The following NDST4 variants were observed in gnomAD, a reference collection of about 807,000 sequenced individuals.
NDST4 encodes the protein N-deacetylase and N-sulfotransferase 4.
In NDST4, 63 loss-of-function variants were observed where a neutral mutation model predicts 100.8. The ratio of observed to expected loss-of-function variants is 0.62; its 90% CI spans 0.51 to 0.77. The LOEUF (loss-of-function observed/expected upper bound fraction) is 0.77, where lower values mean the gene tolerates loss of function less well. NDST4 is among the 30% of genes least tolerant of loss of function. NDST4 has a pLI of 0.00. For synonymous variants in NDST4, 377 were observed against 361.8 expected, an observed-to-expected ratio of 1.04 and a Z score of -0.48; for missense variants, 943 against 1,018.4, an observed-to-expected ratio of 0.93 and a Z score of 1.01.
chr4:115,000,337 C>A (rs902642782), intron 2 of NDST4, among the ~76,000 whole-genome samples: 1 of 151,822 alleles, frequency 6.6e-6, no homozygotes, highest in Non-Finnish European at 1.5e-5. Flanking sequence ...TTTAACCTTT[C>A]ATTTTTTTTT....
intron 5 of NDST4, among the ~76,000 whole-genome samples, chr4:114,935,764 C>T (rs1423033751): frequency 1.3e-5 from 2 of 152,152 alleles, no homozygotes; most frequent in Non-Finnish European, 2.9e-5. Context: ...AATTGGTTTT[C>T]ATAACCCCTT....
intron 2 of NDST4, among the ~76,000 whole-genome samples, chr4:115,071,413 G>A (rs1034742354): frequency 6.6e-6 from 1 of 151,900 alleles, no homozygotes; most frequent in African/African-American, 2.4e-5. Context: ...AGTGGCCAAG[G>A]AAGAGTCCAG....
chr4:114,933,388 A>G (rs1003357102), intron 6 of NDST4, among the ~76,000 whole-genome samples: 1 of 150,254 alleles, frequency 6.7e-6, no homozygotes, highest in African/African-American at 2.4e-5. Context: ...AAGTATAGGG[A>G]AAAAACTTTT....
intron 7 of NDST4, among the ~76,000 whole-genome samples, chr4:114,861,499 T>C (rs943344970): frequency 2.6e-5 from 4 of 152,128 alleles, no homozygotes. Flanking sequence ...AAAGAGTAAA[T>C]CTCACTGATG....
At chr4:114,862,790 G>A (rs1050425590) in intron 7 of NDST4, among the ~76,000 whole-genome samples, 1 of 152,128 alleles carries the variant, frequency 6.6e-6, no homozygotes, top group Non-Finnish European at 1.5e-5. Flanking sequence ...GATGACACTA[G>A]TTAATATTTA....
At chr4:115,052,198 G>GA (rs2126279348) in intron 2 of NDST4, among the ~76,000 whole-genome samples, 1 of 152,198 alleles carries the variant, frequency 6.6e-6, no homozygotes, top group South Asian at 2.1e-4. Context: ...AATTCAAACA[G>GA]AAACACTTTT....
intron 6 of NDST4, among the ~76,000 whole-genome samples, chr4:114,876,894 A>T (rs1050755078): frequency 6.6e-6 from 1 of 152,230 alleles, no homozygotes; most frequent in East Asian, 1.9e-4. Flanking sequence ...GTTACTAGGA[A>T]CTAAGAAACT....
In NDST4 at chr4:114,935,394, G is replaced by A. The variant is rs1725607406; in HGVS notation, c.1408-60C>T. ...TGATTTAATTAAGAACTTCACCTGT[G>A]TCTCATAACTTTAGAATCTGCAAAT... On this transcript the variant is annotated intron_variant, in intron 5 of 13. Transcript: ENST00000264363. 4.9e-6 allele frequency: 7 copies of A among 1,421,366 alleles called. No homozygotes were observed. In the South Asian group the frequency reaches 6.6e-5, roughly 13 times the overall value. 88.0% of individuals were successfully genotyped at this position (1,421,366 alleles called of 1,614,324 possible). A position where few individuals can be genotyped will look rare whatever the true frequency, so the allele number is the denominator to read the frequency against.
At chr4:114,968,379 G>A (rs1411219092) in intron 4 of NDST4, among the ~76,000 whole-genome samples, 2 of 152,154 alleles carry the variant, frequency 1.3e-5, no homozygotes, top group Non-Finnish European at 1.5e-5. Context: ...ATGTCCCACT[G>A]GGTGAAGATG....
At chr4:114,862,127 G>A (rs1044683028) in intron 7 of NDST4, among the ~76,000 whole-genome samples, 3 of 152,074 alleles carry the variant, frequency 2.0e-5, no homozygotes, top group African/African-American at 7.2e-5. Context: ...ACTTAGGACA[G>A]GCACAGTAAA....
Position 114,960,755 on chromosome 4 carries a change from G to A in NDST4, c.1221+9675C>T. 1.3e-5 allele frequency among the ~76,000 whole-genome samples: 2 copies of A among 152,056 alleles called. 1 individual carries two copies. Among genetic ancestry groups the A allele is most frequent in the Non-Finnish European group, 2.9e-5 (2 of 68,004 alleles). On this transcript the variant is annotated intron_variant, in intron 4 of 13. Transcript: ENST00000264363. ...ATAACAGCAGAAAAAAGACAGGTGG[G>A]AGAAAAGCCATATTGAAGTAAGGAA... is the stretch of plus-strand genomic sequence containing the variant.
chr4:114,864,349 C>T (rs1383212573), intron 7 of NDST4, among the ~76,000 whole-genome samples: 2 of 152,192 alleles, frequency 1.3e-5, no homozygotes, highest in Admixed American at 6.5e-5. Context: ...AAGAAGAATG[C>T]TATAAAAGGC....
chr4:115,019,699 A>T (rs544648580), intron 2 of NDST4, among the ~76,000 whole-genome samples: 14 of 152,240 alleles, frequency 9.2e-5, no homozygotes, highest in Admixed American at 7.9e-4. Flanking sequence ...TTTAATTACC[A>T]TTGTAATGGA....
intron 2 of NDST4, among the ~76,000 whole-genome samples, chr4:114,998,233 C>T (rs748180209): frequency 3.3e-4 from 50 of 152,146 alleles, no homozygotes; most frequent in Non-Finnish European, 5.7e-4. Context: ...GGATGCTTCA[C>T]ACTGTAACTT....
chr4:115,015,823 T>C (rs1016735168), intron 2 of NDST4, among the ~76,000 whole-genome samples: 4 of 152,050 alleles, frequency 2.6e-5, no homozygotes, highest in African/African-American at 9.7e-5. Context: ...AAGGCCTACC[T>C]GGTTATGGCC....
At chr4:114,839,880 G>A (rs1200093589) in intron 10 of NDST4, among the ~76,000 whole-genome samples, 1 of 152,144 alleles carries the variant, frequency 6.6e-6, no homozygotes, top group South Asian at 2.1e-4. Context: ...TTAGGTGCAA[G>A]GCAGAGGTAG....
intron 4 of NDST4, among the ~76,000 whole-genome samples, chr4:114,948,919 G>A (rs1450572209): frequency 6.6e-6 from 1 of 152,052 alleles, no homozygotes; most frequent in Non-Finnish European, 1.5e-5. Context: ...GGCAGAGAAA[G>A]AGTTGTTTTA....
intron 6 of NDST4, among the ~76,000 whole-genome samples, chr4:114,894,021 T>G (rs1724659579): frequency 6.6e-6 from 1 of 152,192 alleles, no homozygotes; most frequent in Admixed American, 6.5e-5. Context: ...CTTGTTTTTG[T>G]CAGGTTTGTT....
intron 7 of NDST4, 26 bp downstream of exon 7, chr4:114,870,742 C>T (rs761966160): frequency 1.3e-6 from 2 of 1,574,158 alleles, no homozygotes; most frequent in African/African-American, 1.4e-5. Flanking sequence ...TTTCCTTCCA[C>T]CCCAAGAGAG....
Sources: allele counts gnomAD v4.1 joint callset (sites outside exome capture counted in the v4.1 genomes callset), GRCh38; gene constraint gnomAD v4.1.1; transcripts MANE v1.5; gene names NCBI Gene and HGNC (gene_info 2026-07-23, HGNC 2026-07-21).